Variants in BICD1 observed in about 807,000 individuals in gnomAD.
The protein encoded by BICD1 is BICD cargo adaptor 1.
In BICD1, 35 loss-of-function variants were observed where a neutral mutation model predicts 92.5. The ratio of observed to expected loss-of-function variants is 0.38; its 90% CI spans 0.29 to 0.50. BICD1 has a LOEUF of 0.50. Ranked by LOEUF, BICD1 falls within the 20% of genes least tolerant of loss-of-function variation. The pLI is 0.93. For missense variants in BICD1, 950 were observed against 1,189.8 expected, an observed-to-expected ratio of 0.80 and a Z score of 2.97; for synonymous variants, 429 against 465.1, an observed-to-expected ratio of 0.92 and a Z score of 1.00.
intron 3 of BICD1, among the ~76,000 whole-genome samples, chr12:32,303,624 G>A (rs261872): frequency 0.034 from 5,108 of 152,202 alleles, 111 homozygotes; most frequent in Admixed American, 0.054. Context: ...TTGTGCCACC[G>A]CTTAGAACAT....
intron 8 of BICD1, chr12:32,353,333 G>A (rs1189948328): frequency 1.3e-5 from 2 of 151,682 alleles, no homozygotes; most frequent in Admixed American, 1.3e-4. Flanking sequence ...TTATACTTAC[G>A]GTTTAATTTG....
chr12:32,319,919 A>G (rs929689515), intron 4 of BICD1, among the ~76,000 whole-genome samples: 2 of 152,090 alleles, frequency 1.3e-5, no homozygotes, highest in Non-Finnish European at 2.9e-5. Flanking sequence ...CATCTTTTTT[A>G]GTCTTCGTCC....
chr12:32,287,576 GC>G (rs1161898683), intron 2 of BICD1, among the ~76,000 whole-genome samples: 1 of 146,486 alleles, frequency 6.8e-6, no homozygotes, highest in East Asian at 2.1e-4. Flanking sequence ...TGTCTCTGTC[GC>G]CCAGGCTGGA....
At chr12:32,133,158 A>G (rs1216459156) in intron 1 of BICD1, among the ~76,000 whole-genome samples, 2 of 152,098 alleles carry the variant, frequency 1.3e-5, no homozygotes. Flanking sequence ...TCTTGTGGAT[A>G]CCAATATTGA....
At chr12:32,143,474 T>C (rs1174063994) in intron 1 of BICD1, among the ~76,000 whole-genome samples, 1 of 152,198 alleles carries the variant, frequency 6.6e-6, no homozygotes, top group Non-Finnish European at 1.5e-5. Context: ...TGTGTGTGTG[T>C]GAGATTCTCC....
rs543223542 is a variant in BICD1, at chr12:32,371,713, G to A, written c.2840+3968G>A. Among the ~76,000 whole-genome samples the A allele has an allele frequency of 1.6e-4, 25 of 152,184 alleles. No individual in the cohort carries two copies. In the South Asian group the frequency reaches 5.0e-3, roughly 30 times the overall value. On this transcript the variant is annotated intron_variant, in intron 9 of 9. Transcript: ENST00000652176. ...AGCAATTCTTCTGCCTCAGCCACCC[G>A]AGTAGCTGGGATTACAGGTGTGTGC... is the stretch of plus-strand genomic sequence containing the variant.
chr12:32,168,276 A>C (rs921112031), intron 1 of BICD1, among the ~76,000 whole-genome samples: 1 of 152,178 alleles, frequency 6.6e-6, no homozygotes, highest in Non-Finnish European at 1.5e-5. Flanking sequence ...TATTTGTTCA[A>C]TTACACTGGA....
chr12:32,307,649 A>G (rs913199319), intron 4 of BICD1, among the ~76,000 whole-genome samples: 1 of 152,256 alleles, frequency 6.6e-6, no homozygotes, highest in Non-Finnish European at 1.5e-5. Context: ...CTCCACGGAA[A>G]TGATGACTGG....
chr12:32,180,544 G>A (rs556636574), intron 1 of BICD1, among the ~76,000 whole-genome samples: 11 of 151,810 alleles, frequency 7.2e-5, no homozygotes, highest in South Asian at 2.1e-4. Context: ...GGATTTCCTC[G>A]GCAAAGTTAC....
chr12:32,221,450 G>A (rs181682778), intron 2 of BICD1, among the ~76,000 whole-genome samples: 10 of 151,766 alleles, frequency 6.6e-5, no homozygotes, highest in Admixed American at 3.3e-4. Flanking sequence ...TTGGGAGGCC[G>A]AGGCGGCTGG....
At chr12:32,132,622 A>G (rs1942591056) in intron 1 of BICD1, among the ~76,000 whole-genome samples, 1 of 152,088 alleles carries the variant, frequency 6.6e-6, no homozygotes, top group Non-Finnish European at 1.5e-5. Flanking sequence ...TGCCCGCCCC[A>G]ACGCCAAGGG....
intron 2 of BICD1, among the ~76,000 whole-genome samples, chr12:32,240,333 T>A (rs759238729): frequency 1.3e-5 from 2 of 151,906 alleles, no homozygotes; most frequent in Non-Finnish European, 2.9e-5. Context: ...GGGGGTAATG[T>A]CAAGGTGTAG....
Position 32,334,569 on chromosome 12 carries a change from A to G in BICD1, c.2154A>G (p.Ala718=), listed in dbSNP as rs756677529. The change falls in exon 6 of 10, where the codon GCA becomes GCG. Residue 718 remains alanine (A), a synonymous_variant. Coordinates refer to ENST00000652176, the MANE Select transcript of BICD1 (RefSeq NM_001714.4). ...AGAACAAATATGAAAATGAAAAAGC[A>G]ATGGTGACTGAAACCATGACGAAGC... ...NLKNKYENEK[A]MVTETMTKLR... is the part of the protein sequence containing the mutation. The G allele has an allele frequency of 6.2e-7, 1 of 1,613,204 alleles. No individual in the cohort carries two copies. Among genetic ancestry groups the G allele is most frequent in the Admixed American group, 1.7e-5 (1 of 59,914 alleles).
At chr12:32,297,171 T>TG (rs1947898090) in intron 3 of BICD1, among the ~76,000 whole-genome samples, 1 of 152,134 alleles carries the variant, frequency 6.6e-6, no homozygotes, top group Non-Finnish European at 1.5e-5. Flanking sequence ...GATGCTAGCA[T>TG]CTATCATAAA....
chr12:32,366,005 C>T (rs1176821138), intron 8 of BICD1, among the ~76,000 whole-genome samples: 3 of 152,130 alleles, frequency 2.0e-5, no homozygotes, highest in Non-Finnish European at 2.9e-5. Flanking sequence ...TATTAAGATG[C>T]GCTAATTAAT....
intron 8 of BICD1, among the ~76,000 whole-genome samples, chr12:32,356,905 C>T (rs1939135336): frequency 6.6e-6 from 1 of 152,116 alleles, no homozygotes; most frequent in Non-Finnish European, 1.5e-5. Context: ...ATTCCACTCC[C>T]GTCAGTTTAG....
intron 6 of BICD1, among the ~76,000 whole-genome samples, chr12:32,336,735 T>G (rs1431384832): frequency 6.6e-6 from 1 of 152,242 alleles, no homozygotes; most frequent in South Asian, 2.1e-4. Context: ...GGACATTGTG[T>G]GAGACTTGAC....
In BICD1 at chr12:32,377,690, C is replaced by T; in HGVS notation, c.*63C>T. The T allele has an allele frequency of 7.1e-7, 1 of 1,401,316 alleles. No homozygotes were observed. The highest frequency in any genetic ancestry group is 1.0e-6 in the Non-Finnish European group (1 of 987,158). The allele number at this position is 1,401,316 out of a possible 1,614,324, so 86.8% of individuals were successfully genotyped here. On this transcript the variant is annotated 3_prime_UTR_variant, in exon 10 of 10. Coordinates refer to ENST00000652176, the MANE Select transcript of BICD1 (RefSeq NM_001714.4). The stretch of plus-strand genomic sequence containing the variant: ...TTTGTAGCCACACACAGGATACTGC[C>T]CAAGATCCAGCGGGTGTTTTCTTCT...
intron 2 of BICD1, among the ~76,000 whole-genome samples, chr12:32,232,517 A>AT (rs1945922603): frequency 6.8e-6 from 1 of 146,564 alleles, no homozygotes; most frequent in Non-Finnish European, 1.5e-5. Context: ...GGTTGCGAAA[A>AT]TTTTCTCCCA....
Sources: gnomAD v4.1 joint callset for allele counts (sites outside exome capture counted in the v4.1 genomes callset) on GRCh38, gnomAD v4.1.1 for gene constraint, MANE v1.5 for transcripts, NCBI Gene and HGNC (gene_info 2026-07-23, HGNC 2026-07-21) for gene names.